PTPN23: variants seen among roughly 807,000 people sequenced by gnomAD.
PTPN23 encodes tyrosine-protein phosphatase non-receptor type 23.
In PTPN23, 72 loss-of-function variants were observed where a neutral mutation model predicts 156.3. The ratio of observed to expected loss-of-function variants is 0.46; its 90% confidence interval spans 0.38 to 0.56. The LOEUF is 0.56. PTPN23 is among the 20% of genes least tolerant of loss of function. The pLI is 0.00. For missense variants in PTPN23, 1,974 were observed against 2,171.5 expected (o/e 0.91, Z 1.81); for synonymous variants, 957 against 899.6 (o/e 1.06, Z -1.14).
chr3:47,406,810 T>C lies in PTPN23; in HGVS notation c.807+60T>C, dbSNP rs377390976. ...GGCAGCCTTCAGTGAGATGCCGGTGTGCTCCCGCTCCTTACACACCAGGGG... is the reference window on the plus strand; with the variant it reads ...GGCAGCCTTCAGTGAGATGCCGGTGCGCTCCCGCTCCTTACACACCAGGGG... On this transcript the variant is annotated intron_variant, in intron 9 of 24. Transcript: ENST00000265562. The surrounding 1 kb of genome is among the most constrained non-coding windows in gnomAD (Gnocchi z 5.8). 2.9e-5 allele frequency: 46 copies of C among 1,599,092 alleles called. No homozygotes were observed. In the African/African-American group the frequency reaches 5.9e-4, roughly 20 times the overall value.
At chr3:47,381,204 C>A in intron 1 of PTPN23, 24 bp downstream of exon 1, 1 of 1,561,932 alleles carries the variant, frequency 6.4e-7, no homozygotes, top group Non-Finnish European at 8.7e-7. Flanking sequence ...CCATCTTCCC[C>A]CCTATCCGCC....
chr3:47,409,287 G>A lies in PTPN23; in HGVS notation c.1767G>A (p.Ser589=), dbSNP rs201358899. 3.5e-5 allele frequency: 56 copies of A among 1,614,076 alleles called. No homozygotes were observed. The highest frequency in any genetic ancestry group is 4.2e-5 in the Non-Finnish European group (49 of 1,180,028). ...TCCAGAAAGATGACATCACTGCCTC[G>A]CTGGTCACCACAGACCACTCAGAGA... ...ELIQKDDITA[S]LVTTDHSEMK... The change falls in exon 17 of 25, where the codon TCG becomes TCA. Residue 589 remains serine (S), a synonymous_variant. Coordinates refer to ENST00000265562, the MANE Select transcript of PTPN23 (RefSeq NM_015466.4).
At position 47,407,018 on chromosome 3, in the gene PTPN23, T is replaced by A; in HGVS notation, c.808-112T>A. The A allele has an allele frequency of 3.5e-6, 5 of 1,410,140 alleles. No individual in the cohort carries two copies. The highest frequency in any genetic ancestry group is 4.9e-6 in the Non-Finnish European group (5 of 1,015,308). The allele number at this position is 1,410,140 out of a possible 1,614,324, so 87.4% of individuals were successfully genotyped here. On this transcript the variant is annotated intron_variant, in intron 9 of 24. Transcript: ENST00000265562. The surrounding 1 kb of genome is among the most constrained non-coding windows in gnomAD (Gnocchi z 4.0). The stretch of plus-strand genomic sequence containing the variant: ...GCTGTTGGCTGGGGTGGTGCCCGGC[T>A]GCCTCCTGAGCTGCTTGTCATCTGA...
chr3:47,381,941 C>T (rs1011204651), intron 1 of PTPN23, among the ~76,000 whole-genome samples: 1 of 152,082 alleles, frequency 6.6e-6, no homozygotes, highest in Non-Finnish European at 1.5e-5. Flanking sequence ...AACACAGGTG[C>T]CCTCCGAGAC....
At chr3:47,384,455 C>CA (rs56896052) in intron 1 of PTPN23, among the ~76,000 whole-genome samples, 1,138 of 78,452 alleles carry the variant, frequency 0.015, 57 homozygotes, top group African/African-American at 0.019. Flanking sequence ...GAGACTGTCT[C>CA]AAAAAAAAAA....
In PTPN23 at chr3:47,407,404, G is replaced by A. The variant is rs760588771; in HGVS notation, c.923+37G>A. Reference sequence around the variant, plus strand: ...GGGGTGGCCCTGGTTCCCTCTTTTTGTGAAGGGTCTTGTCCCTCTGCTGGC... The same window carrying A: ...GGGGTGGCCCTGGTTCCCTCTTTTTATGAAGGGTCTTGTCCCTCTGCTGGC... On this transcript the variant is annotated intron_variant, in intron 11 of 24. Transcript: ENST00000265562. This position sits in a 1 kb window ranked among gnomAD's most constrained non-coding sequence, Gnocchi z 4.0. 1.1e-5 allele frequency: 18 copies of A among 1,612,310 alleles called. No individual in the cohort carries two copies. In the African/African-American group the frequency reaches 2.4e-4, roughly 22 times the overall value.
rs769806599 is a variant in PTPN23, at chr3:47,396,180, A to G, written c.122A>G (p.Tyr41Cys). 2 of 1,613,324 alleles carry G rather than the reference A, an allele frequency of 1.2e-6. No homozygotes were observed. The highest frequency in any genetic ancestry group is 8.5e-7 in the Non-Finnish European group (1 of 1,179,384). The stretch of plus-strand genomic sequence containing the variant: ...AATTATGGAGAGAACCCAGAAGCCT[A>G]CAATGAAGAACTGAAGAAGCTGGAG... ...LKNYGENPEAYNEELKKLELL... is the reference protein window; with the variant it reads ...LKNYGENPEACNEELKKLELL... The change falls in exon 2 of 25, where the codon TAC becomes TGC. Residue 41 changes from tyrosine (Y) to cysteine (C), a missense_variant. Transcript: ENST00000265562.
chr3:47,390,576 G>A (rs913936116), intron 1 of PTPN23, among the ~76,000 whole-genome samples: 3 of 152,142 alleles, frequency 2.0e-5, no homozygotes, highest in East Asian at 1.9e-4. Context: ...AGACTGTTCC[G>A]AGTTCTGCAG....
intron 1 of PTPN23, among the ~76,000 whole-genome samples, chr3:47,384,109 G>A (rs1704605159): frequency 8.5e-6 from 1 of 118,258 alleles, no homozygotes; most frequent in Non-Finnish European, 1.7e-5. Context: ...GTAAGAGACA[G>A]CCTTTTTTTT....
At position 47,412,377 on chromosome 3, in the gene PTPN23, G is replaced by C. The variant is rs1476071978; in HGVS notation, c.4273G>C (p.Val1425Leu). ...CGGAATCCCTGAGCTGCCTCAGCTG[G>C]TGCGGCGCATGCGGCAGCAGAGAAA... is the stretch of plus-strand genomic sequence containing the variant. ...GNGIPELPQL[V>L]RRMRQQRKHM... Residue 1425 changes from valine to leucine, a missense_variant, in exon 23 of 25, where the codon GTG (valine) becomes CTG (leucine). Coordinates refer to ENST00000265562, the MANE Select transcript of PTPN23 (RefSeq NM_015466.4). 4 of 1,613,082 alleles carry C rather than the reference G, an allele frequency of 2.5e-6. No homozygotes were observed. Among genetic ancestry groups the C allele is most frequent in the Non-Finnish European group, 3.4e-6 (4 of 1,180,024 alleles).
chr3:47,405,943 A>C lies in PTPN23; in HGVS notation c.443A>C (p.Gln148Pro). ...EGMKVSCTHF[Q>P]CAAGAFAYLR... ...ATGAAGGTCTCCTGTACCCATTTCCAGTGCGCAGCCGGCGCCTTCGCCTAC... is the reference window on the plus strand; with the variant it reads ...ATGAAGGTCTCCTGTACCCATTTCCCGTGCGCAGCCGGCGCCTTCGCCTAC... The change falls in exon 6 of 25, where the codon CAG (glutamine) becomes CCG (proline). Residue 148 changes from glutamine (Q) to proline (P), a missense_variant. Around this residue, in one of 4 missense-constraint regions of PTPN23, gnomAD observed 726 missense variants for 929.5 expected, o/e 0.78. Coordinates refer to ENST00000265562, the MANE Select transcript of PTPN23 (RefSeq NM_015466.4). The surrounding 1 kb of genome is among the most constrained non-coding windows in gnomAD (Gnocchi z 4.7). 1 of 1,613,986 alleles carries C rather than the reference A, an allele frequency of 6.2e-7. No individual in the cohort carries two copies. The highest frequency in any genetic ancestry group is 8.5e-7 in the Non-Finnish European group (1 of 1,179,990).
chr3:47,411,204 G>A lies in PTPN23; in HGVS notation c.3406G>A (p.Gly1136Ser), dbSNP rs1247063469. ...SQHGGTQSPG[G>S]GQPLLQPTKV... ...GCATGGCGGCACTCAGTCTCCTGGGGGTGGGCAGCCCCTGCTGCAGCCCAC... is the reference window on the plus strand; with the variant it reads ...GCATGGCGGCACTCAGTCTCCTGGGAGTGGGCAGCCCCTGCTGCAGCCCAC... The change falls in exon 20 of 25, where the codon GGT becomes AGT. Residue 1136 changes from glycine (G) to serine (S), a missense_variant. This residue lies in a region of PTPN23 where 731 missense variants were observed against 669.1 expected (regional missense o/e 1.09). Coordinates refer to ENST00000265562, the MANE Select transcript of PTPN23 (RefSeq NM_015466.4). The surrounding 1 kb of genome is among the most constrained non-coding windows in gnomAD (Gnocchi z 6.3). The A allele has an allele frequency of 2.5e-6, 4 of 1,604,664 alleles. No individual in the cohort carries two copies. The highest frequency in any genetic ancestry group is 4.5e-5 in the East Asian group (2 of 44,722).
rs778980318 is a variant in PTPN23 at position 47,413,132 on chromosome 3, T to A, written c.4858T>A (p.Ser1620Thr). The change falls in exon 25 of 25, where the codon TCT (serine) becomes ACT (threonine). Residue 1620 changes from serine to threonine, a missense_variant. By Grantham distance (58) the Ser-to-Thr change is moderately conservative. This residue lies in a region of PTPN23 where 484 missense variants were observed against 516.0 expected (regional missense o/e 0.94). Transcript: ENST00000265562. Reference sequence around the variant, plus strand: ...GCAAGGGCTGCGGGCCACCCGGCCCTCTGACGACCCCCTCAGCCTTCTGGA... The same window carrying A: ...GCAAGGGCTGCGGGCCACCCGGCCCACTGACGACCCCCTCAGCCTTCTGGA... ...NGQGLRATRP[S>T]DDPLSLLDPL... The A allele has an allele frequency of 3.0e-5, 48 of 1,612,704 alleles. No individual in the cohort carries two copies. Among genetic ancestry groups the A allele is most frequent in the Admixed American group, 5.0e-5 (3 of 60,000 alleles).
rs868453484 is a variant in PTPN23, at chr3:47,404,425, T to A, written c.160-227T>A. On this transcript the variant is annotated intron_variant, in intron 2 of 24. Coordinates refer to ENST00000265562, the MANE Select transcript of PTPN23 (RefSeq NM_015466.4). ...TGAGACTCTTTTTTTTTTTTTTTTT[T>A]AAAAAAGGAAAAACTATGTGGGATA... Among the ~76,000 whole-genome samples, 19 of 149,420 alleles carry A rather than the reference T, an allele frequency of 1.3e-4. No individual in the cohort carries two copies. The highest frequency in any genetic ancestry group is 1.3e-4 in the Non-Finnish European group (9 of 67,242).
Position 47,405,558 on chromosome 3 carries a change from G to GC in PTPN23, c.365-190dup, listed in dbSNP as rs1482510366. The GC allele has an allele frequency of 3.2e-6, 2 of 624,272 alleles. No homozygotes were observed. Among genetic ancestry groups the GC allele is most frequent in the Non-Finnish European group, 5.6e-6 (2 of 357,712 alleles). The allele number at this position is 624,272 out of a possible 1,614,324, so 38.7% of individuals were successfully genotyped here. ...CCTTCCATCCTCTGCCAAATGCAGA[G>GC]CAGGAGACTGAGGGCTGGGCAGGAC... is the stretch of plus-strand genomic sequence containing the variant. On this transcript the variant is annotated intron_variant, in intron 4 of 24. Transcript: ENST00000265562. This position sits in a 1 kb window ranked among gnomAD's most constrained non-coding sequence, Gnocchi z 4.7.
intron 1 of PTPN23, among the ~76,000 whole-genome samples, chr3:47,392,077 G>C (rs1465993594): frequency 6.6e-6 from 1 of 152,104 alleles, no homozygotes; most frequent in African/African-American, 2.4e-5. Flanking sequence ...GTAGAAATGG[G>C]GTTTTGCCAT....
In PTPN23 at chr3:47,411,927, C is replaced by T. The variant is rs142129608; in HGVS notation, c.4033C>T (p.Arg1345Cys). ...SLQFRDQSLK[R>C]SLVHLHFPTW... Reference sequence around the variant, plus strand: ...GCAGTTCCGAGACCAGAGCCTCAAGCGCTCTCTTGTGCACCTGCACTTCCC... The same window carrying T: ...GCAGTTCCGAGACCAGAGCCTCAAGTGCTCTCTTGTGCACCTGCACTTCCC... Residue 1345 changes from arginine to cysteine, a missense_variant, in exon 21 of 25, where the codon CGC becomes TGC. Physicochemically the swap from Arg to Cys is radical, Grantham distance 180. This residue lies in a region of PTPN23 where 484 missense variants were observed against 516.0 expected (regional missense o/e 0.94). Transcript: ENST00000265562. The surrounding 1 kb of genome is among the most constrained non-coding windows in gnomAD (Gnocchi z 6.3). 5.3e-5 allele frequency: 86 copies of T among 1,613,216 alleles called. No individual in the cohort carries two copies. The highest frequency in any genetic ancestry group is 1.9e-4 in the South Asian group (17 of 91,016).
At chr3:47,392,381 C>T (rs974466823) in intron 1 of PTPN23, among the ~76,000 whole-genome samples, 14 of 151,006 alleles carry the variant, frequency 9.3e-5, no homozygotes, top group Non-Finnish European at 1.6e-4. Flanking sequence ...AGATGGGGGT[C>T]TCGCCATATT....
rs779821077 is a variant in PTPN23 at position 47,406,469 on chromosome 3, C to T, written c.628-12C>T. The T allele has an allele frequency of 1.2e-6, 2 of 1,613,986 alleles. No homozygotes were observed. The highest frequency in any genetic ancestry group is 3.3e-5 in the Admixed American group (2 of 60,026). The stretch of plus-strand genomic sequence containing the variant: ...TGACTCCCCCACTCATTGGGCCCCA[C>T]CCTGTTCTCAGGTGGTAGATTACTA... On this transcript the variant is annotated splice_polypyrimidine_tract_variant and intron_variant, in intron 7 of 24. Coordinates refer to ENST00000265562, the MANE Select transcript of PTPN23 (RefSeq NM_015466.4). The surrounding 1 kb of genome is among the most constrained non-coding windows in gnomAD (Gnocchi z 5.8).
Sources: gnomAD v4.1 joint callset for allele counts (sites outside exome capture counted in the v4.1 genomes callset) on GRCh38, gnomAD v4.1.1 for gene constraint, gnomAD v4.1.1 regional missense constraint, Gnocchi (gnomAD v3.1) non-coding constraint, MANE v1.5 for transcripts, NCBI Gene and HGNC (gene_info 2026-07-23, HGNC 2026-07-21) for gene names.